Variants in COL4A6 observed in about 807,000 individuals in gnomAD.
COL4A6 encodes the protein collagen type IV alpha 6 chain, also known as collagen alpha-6(IV) chain.
COL4A6 carries 59 observed loss-of-function variants against 126.7 expected under a neutral mutation model. That is an observed-to-expected ratio of 0.47 (90% CI 0.38 to 0.58). The LOEUF (loss-of-function observed/expected upper bound fraction) is 0.58. Ranked by LOEUF, COL4A6 falls within the 20% of genes least tolerant of loss-of-function variation. The pLI is 0.00. For missense variants in COL4A6, 1,285 were observed against 1,337.3 expected (o/e 0.96, Z 0.61); for synonymous variants, 547 against 496.6 (o/e 1.10, Z -1.35).
intron 6 of COL4A6, chrX:108,213,813 G>T: frequency 3.8e-6 from 1 of 265,996 alleles, no homozygotes; most frequent in Non-Finnish European, 6.5e-6. Context: ...ATGTCAAATA[G>T]CCCAAGTGTG....
chrX:108,192,125 C>T (rs1015425802), intron 18 of COL4A6, among the ~76,000 whole-genome samples: 2 of 111,790 alleles, frequency 1.8e-5, no homozygotes, highest in Admixed American at 9.4e-5. Context: ...TTTTGCTAGC[C>T]CCTCTTGGCA....
chrX:108,174,338 G>T, intron 31 of COL4A6, 102 bp downstream of exon 31: 1 of 849,026 alleles, frequency 1.2e-6, no homozygotes, highest in Non-Finnish European at 1.7e-6. Context: ...GGGAGAAGGG[G>T]CTGAGAAGTA....
In COL4A6 at chrX:108,179,402, C is replaced by A. The variant is rs772769800; in HGVS notation, c.2168G>T (p.Gly723Val). ...ATCTTTTCCAGGGAGCCCAGGAAAC[C>A]CAGGCAAGCCCTTCTCCCCACGAGG... Reference protein sequence around the residue: ...PGPRGEKGLPGFPGLPGKDGL... With the variant: ...PGPRGEKGLPVFPGLPGKDGL... Residue 723 changes from glycine (G) to valine (V), a missense_variant, in exon 26 of 45, where the codon GGG (glycine) becomes GTG (valine). Gly to Val is a moderately radical substitution (Grantham distance 109, BLOSUM62 -3). Transcript: ENST00000334504. 4 of 1,206,954 alleles carry A rather than the reference C, an allele frequency of 3.3e-6. No individual in the cohort carries two copies. In the Admixed American group the frequency reaches 8.8e-5, roughly 26 times the overall value.
intron 3 of COL4A6, among the ~76,000 whole-genome samples, chrX:108,271,315 G>A (rs2147763368): frequency 8.9e-6 from 1 of 111,840 alleles, no homozygotes; most frequent in South Asian, 3.8e-4. Context: ...CCAAGGGAGA[G>A]GGACAGTGGT....
At chrX:108,332,868 T>C (rs4829429) in intron 2 of COL4A6, among the ~76,000 whole-genome samples, 28,986 of 110,538 alleles carry the variant, frequency 0.26, 3,116 homozygotes, top group East Asian at 0.58. Flanking sequence ...ATTTTTGTTT[T>C]TGTTATGTTT....
rs368443205 is a variant in COL4A6 at position 108,164,982 on chromosome X, C to T, written c.3865G>A (p.Asp1289Asn). The change falls in exon 39 of 45, where the codon GAC (aspartate) becomes AAC (asparagine). Residue 1289 changes from aspartate to asparagine, a missense_variant. Physicochemically the swap from Asp to Asn is conservative, Grantham distance 23 (BLOSUM62 1). Coordinates refer to ENST00000334504, the MANE Select transcript of COL4A6 (RefSeq NM_033641.4). ...CCAGGGAAGCCAGGGTCTCCGGTGT[C>T]GCCTTGATTCGAGGATGGCCCAGGG... ...GPPGPSSNQG[D>N]TGDPGFPGIP... The T allele has an allele frequency of 1.8e-5, 22 of 1,208,448 alleles. No homozygotes were observed. The highest frequency in any genetic ancestry group is 8.8e-5 in the African/African-American group (5 of 56,714).
chrX:108,195,276 T>C (rs1206391421), intron 14 of COL4A6, 150 bp from the exon 15 acceptor site: 2 of 117,400 alleles, frequency 1.7e-5, no homozygotes, highest in Non-Finnish European at 1.5e-5. Context: ...GCTTAACGAC[T>C]TTTTTTTTTT....
chrX:108,353,890 C>T (rs1482786348), intron 2 of COL4A6, among the ~76,000 whole-genome samples: 3 of 112,348 alleles, frequency 2.7e-5, no homozygotes, highest in Non-Finnish European at 3.8e-5. Flanking sequence ...CTGTGGCTCA[C>T]GCCTGTAATC....
At position 108,156,802 on chromosome X, in the gene COL4A6, A is replaced by ATCTC. The variant is rs774202735; in HGVS notation, c.*194_*197dup. 6.3e-5 allele frequency: 29 copies of ATCTC among 461,545 alleles called. No individual in the cohort carries two copies. In the East Asian group the frequency reaches 1.0e-3, roughly 16 times the overall value. The allele number at this position is 461,545 out of a possible 1,213,427, so 38.0% of individuals were successfully genotyped here. On this transcript the variant is annotated 3_prime_UTR_variant, in exon 45 of 45. Transcript: ENST00000334504. ...CAGCTTGACAGAAACAGGACAGCAG[A>ATCTC]TCTCAGCAGGGTGGGCTCATCTCTA...
At chrX:108,186,131 G>A (rs1451766234) in intron 23 of COL4A6, among the ~76,000 whole-genome samples, 2 of 111,845 alleles carry the variant, frequency 1.8e-5, no homozygotes, top group African/African-American at 6.5e-5. Context: ...CTGTTCAATT[G>A]GTACCATATG....
chrX:108,174,161 G>A (rs2034400890), intron 31 of COL4A6, among the ~76,000 whole-genome samples: 1 of 111,978 alleles, frequency 8.9e-6, no homozygotes, highest in African/African-American at 3.2e-5. Flanking sequence ...AGGAGATGGT[G>A]CCTGGGCTGG....
chrX:108,375,899 T>G (rs2040424977), intron 2 of COL4A6, among the ~76,000 whole-genome samples: 1 of 111,162 alleles, frequency 9.0e-6, no homozygotes. Context: ...GGTATTATCT[T>G]AAAATGTTGC....
intron 2 of COL4A6, among the ~76,000 whole-genome samples, chrX:108,423,054 G>T (rs2064010279): frequency 8.9e-6 from 1 of 112,241 alleles, no homozygotes; most frequent in Non-Finnish European, 1.9e-5. Flanking sequence ...TTTAGTTTGC[G>T]ATTTCTTTAA....
chrX:108,288,511 G>A (rs1479173785), intron 3 of COL4A6, among the ~76,000 whole-genome samples: 1 of 111,591 alleles, frequency 9.0e-6, no homozygotes, highest in Non-Finnish European at 1.9e-5. Flanking sequence ...ATAAAGGCGT[G>A]TATAGACTGG....
intron 2 of COL4A6, chrX:108,383,668 CA>C: frequency 2.0e-6 from 1 of 509,830 alleles, no homozygotes; most frequent in Admixed American, 2.9e-5. Flanking sequence ...TGCCGTTGAA[CA>C]AATATTTTTC....
chrX:108,313,415 T>C (rs888709710), intron 2 of COL4A6, among the ~76,000 whole-genome samples: 1 of 112,158 alleles, frequency 8.9e-6, no homozygotes, highest in Non-Finnish European at 1.9e-5. Context: ...TTATTATTTT[T>C]ATTATAATTA....
chrX:108,430,303 A>T (rs1448955257), intron 2 of COL4A6, among the ~76,000 whole-genome samples: 1 of 111,742 alleles, frequency 8.9e-6, no homozygotes, highest in African/African-American at 3.3e-5. Flanking sequence ...GAATGGTGAG[A>T]AGTTCAGTCT....
intron 3 of COL4A6, among the ~76,000 whole-genome samples, chrX:108,284,604 C>G (rs1432179863): frequency 3.6e-5 from 4 of 112,069 alleles, no homozygotes; most frequent in African/African-American, 1.3e-4. Flanking sequence ...CTATTTGGAT[C>G]CAGACACTTT....
intron 2 of COL4A6, among the ~76,000 whole-genome samples, chrX:108,426,783 T>C (rs958924814): frequency 2.7e-5 from 3 of 112,409 alleles, no homozygotes; most frequent in Non-Finnish European, 5.6e-5. Context: ...CAGTTAATAA[T>C]ATATTTAATG....
Sources: allele counts gnomAD v4.1 joint callset (sites outside exome capture counted in the v4.1 genomes callset), GRCh38; gene constraint gnomAD v4.1.1; transcripts MANE v1.5; gene names NCBI Gene and HGNC (gene_info 2026-07-23, HGNC 2026-07-21).